ROBO2: variants seen among roughly 807,000 people sequenced by gnomAD.
The protein encoded by ROBO2 is roundabout guidance receptor 2.
In ROBO2, 53 loss-of-function variants were observed where a neutral mutation model predicts 160.8. That is an observed-to-expected ratio of 0.33 (90% CI 0.26 to 0.41). The LOEUF (loss-of-function observed/expected upper bound fraction) is 0.41, where lower values mean the gene tolerates loss of function less well. Among genes scored for constraint, ROBO2 ranks in the 10% least tolerant of loss-of-function variants. The pLI is 1.00. For missense variants in ROBO2, 1,577 were observed against 1,722.4 expected (o/e 0.92, Z 1.49); for synonymous variants, 664 against 611.7 (o/e 1.09, Z -1.26).
At chr3:76,615,861 A>C (rs1189711145) in intron 2 of ROBO2, among the ~76,000 whole-genome samples, 1 of 152,208 alleles carries the variant, frequency 6.6e-6, no homozygotes, top group Non-Finnish European at 1.5e-5. Context: ...TATGCAATTC[A>C]GTATTCCTAT....
At chr3:77,529,222 G>A (rs2091439521) in intron 6 of ROBO2, among the ~76,000 whole-genome samples, 1 of 151,292 alleles carries the variant, frequency 6.6e-6, no homozygotes, top group African/African-American at 2.4e-5. Flanking sequence ...GAAGTGGAAA[G>A]ATTGAGAACG....
intron 2 of ROBO2, among the ~76,000 whole-genome samples, chr3:76,014,015 G>A (rs1471633539): frequency 2.0e-5 from 3 of 150,276 alleles, no homozygotes; most frequent in Non-Finnish European, 4.4e-5. Context: ...GTTTATGCGT[G>A]TAATCCCAGA....
At chr3:76,340,479 TAAGTA>T in intron 2 of ROBO2, among the ~76,000 whole-genome samples, 1 of 152,304 alleles carries the variant, frequency 6.6e-6, no homozygotes, top group Non-Finnish European at 1.5e-5. Context: ...TATAAAAATA[TAAGTA>T]ATGTGAAGTC....
intron 2 of ROBO2, 26 bp from the exon 3 acceptor site, chr3:77,477,388 C>T (rs764115232): frequency 6.6e-7 from 1 of 1,511,636 alleles, no homozygotes. Context: ...GTTGAGTTTT[C>T]TTTTCCTGTA....
intron 2 of ROBO2, among the ~76,000 whole-genome samples, chr3:75,952,459 C>A (rs2107198290): frequency 6.6e-6 from 1 of 151,916 alleles, no homozygotes; most frequent in Non-Finnish European, 1.5e-5. Flanking sequence ...GCATGAAAAC[C>A]CTGCCTTGTT....
At chr3:76,301,438 G>A (rs6789823) in intron 2 of ROBO2, among the ~76,000 whole-genome samples, 147,738 of 152,154 alleles carry the variant, frequency 0.97, 71,871 homozygotes, top group Middle Eastern at 1. Flanking sequence ...AACAAAACCT[G>A]GGATACACAT....
intron 7 of ROBO2, among the ~76,000 whole-genome samples, chr3:77,548,250 G>A (rs775749): frequency 0.76 from 115,502 of 152,020 alleles, 44,124 homozygotes; most frequent in African/African-American, 0.82. Context: ...AAATGTACTG[G>A]AACTCATTTT....
intron 2 of ROBO2, among the ~76,000 whole-genome samples, chr3:76,710,737 A>T (rs1172248733): frequency 6.6e-6 from 1 of 152,148 alleles, no homozygotes; most frequent in Non-Finnish European, 1.5e-5. Context: ...TCTTTTGAAA[A>T]TGTGAGCAAC....
chr3:76,034,654 A>G lies in ROBO2; in HGVS notation c.109+97052A>G, dbSNP rs146071369. On this transcript the variant is annotated intron_variant, in intron 2 of 26. Coordinates refer to the ROBO2 transcript ENST00000487694. ...TTCTACTTCCTAATGCTTCCGCTACAGTAACTTCTTCTTGTCTTATCACCT... is the reference window on the plus strand; with the variant it reads ...TTCTACTTCCTAATGCTTCCGCTACGGTAACTTCTTCTTGTCTTATCACCT... Among the ~76,000 whole-genome samples, 405 of 150,780 alleles carry G rather than the reference A, an allele frequency of 2.7e-3. 6 individuals carry two copies. The highest frequency in any genetic ancestry group is 9.2e-3 in the African/African-American group (367 of 40,062).
intron 2 of ROBO2, among the ~76,000 whole-genome samples, chr3:77,230,377 C>T (rs1036327940): frequency 1.3e-5 from 2 of 152,120 alleles, no homozygotes; most frequent in Non-Finnish European, 2.9e-5. Flanking sequence ...AGCCACCACA[C>T]CTGGCTTACA....
chr3:76,796,511 A>G lies in ROBO2; in HGVS notation c.110-301503A>G, dbSNP rs7434090. ...AGGAAGGAAGGAAGGAAAGAAGGAA[A>G]GAAGGAAGGAAGGAAGGAAGGAAGG... On this transcript the variant is annotated intron_variant, in intron 2 of 26. Transcript: ENST00000487694. 1.1e-3 allele frequency among the ~76,000 whole-genome samples: 162 copies of G among 144,594 alleles called. 1 individual carries two copies. Among genetic ancestry groups the G allele is most frequent in the African/African-American group, 4.2e-3 (159 of 37,990 alleles). The allele number at this position is 144,594 out of a possible 152,430, so 94.9% of individuals were successfully genotyped here.
chr3:76,671,430 C>T (rs559717633), intron 2 of ROBO2, among the ~76,000 whole-genome samples: 8 of 152,208 alleles, frequency 5.3e-5, no homozygotes, highest in Admixed American at 2.6e-4. Context: ...ATTTGAAAAG[C>T]TATTAACTCT....
chr3:76,580,077 C>T (rs2085560563), intron 2 of ROBO2, among the ~76,000 whole-genome samples: 1 of 152,106 alleles, frequency 6.6e-6, no homozygotes, highest in African/African-American at 2.4e-5. Context: ...TGAGTATCCA[C>T]TCATTTCTGC....
intron 21 of ROBO2, among the ~76,000 whole-genome samples, chr3:77,609,086 C>T (rs2094577622): frequency 1.3e-5 from 2 of 151,642 alleles, no homozygotes; most frequent in South Asian, 4.1e-4. Flanking sequence ...TCTATATATG[C>T]ATTATATATG....
chr3:76,084,977 C>T (rs546274225), intron 2 of ROBO2, among the ~76,000 whole-genome samples: 1 of 152,098 alleles, frequency 6.6e-6, no homozygotes, highest in Admixed American at 6.6e-5. Context: ...AATATTTAGG[C>T]TTTTTAAAAA....
chr3:76,441,006 T>C (rs1230187044), intron 2 of ROBO2, among the ~76,000 whole-genome samples: 1 of 152,158 alleles, frequency 6.6e-6, no homozygotes, highest in African/African-American at 2.4e-5. Context: ...ACATTTAAAT[T>C]TGACTTTTGT....
exon 1 of ROBO2, chr3:77,040,497 C>G (rs1008514338): frequency 1.5e-6 from 2 of 1,306,856 alleles, no homozygotes; most frequent in Admixed American, 6.7e-5. Flanking sequence ...TAGACACACT[C>G]GAATAATCCC....
intron 1 of ROBO2, among the ~76,000 whole-genome samples, chr3:77,071,945 C>T (rs1346121933): frequency 6.6e-6 from 1 of 152,056 alleles, no homozygotes; most frequent in African/African-American, 2.4e-5. Flanking sequence ...ACCCCTGGGC[C>T]CCGGACCAGT....
intron 2 of ROBO2, among the ~76,000 whole-genome samples, chr3:77,402,333 A>G (rs539578791): frequency 1.3e-5 from 2 of 152,276 alleles, no homozygotes; most frequent in African/African-American, 2.4e-5. Context: ...TACCTAATGT[A>G]GGTGATAGGT....
Sources: gnomAD v4.1 joint callset for allele counts (sites outside exome capture counted in the v4.1 genomes callset) on GRCh38, gnomAD v4.1.1 for gene constraint, MANE v1.5 for transcripts, NCBI Gene and HGNC (gene_info 2026-07-23, HGNC 2026-07-21) for gene names.